Variants in PANX2 observed in about 807,000 individuals in gnomAD.
PANX2 encodes pannexin 2, also known as pannexin-2.
Under a neutral mutation model 38.7 loss-of-function variants are expected in PANX2, and 30 were observed. The ratio of observed to expected loss-of-function variants is 0.78; its 90% CI spans 0.58 to 1.05. The LOEUF (loss-of-function observed/expected upper bound fraction) is 1.05. PANX2 is among the 50% of genes least tolerant of loss of function. PANX2 has a pLI of 0.00. For missense variants in PANX2, 880 were observed against 979.3 expected, an observed-to-expected ratio of 0.90 and a Z score of 1.35; for synonymous variants, 539 against 472.1, an observed-to-expected ratio of 1.14 and a Z score of -1.84.
At chr22:50,176,829 G>A (rs1186430853) in intron 1 of PANX2, 110 bp from the exon 2 acceptor site, 3 of 1,190,032 alleles carry the variant, frequency 2.5e-6, no homozygotes, top group Non-Finnish European at 3.4e-6. Context: ...GAGGAGGCTG[G>A]AGAGGCTCCT....
At chr22:50,174,574 C>T (rs2063652288) in intron 1 of PANX2, among the ~76,000 whole-genome samples, 1 of 152,216 alleles carries the variant, frequency 6.6e-6, no homozygotes, top group Admixed American at 6.5e-5. Flanking sequence ...GCTGGCATGG[C>T]CAGGATCCAC....
At position 50,176,919 on chromosome 22, in the gene PANX2, T is replaced by C. The variant is rs755278990; in HGVS notation, c.227-20T>C. On this transcript the variant is annotated intron_variant, in intron 1 of 2. Coordinates refer to ENST00000395842, the MANE Select transcript of PANX2 (RefSeq NM_052839.4). ...CCGTGCGCCTCCCCGCCCCAGCCCG[T>C]GTCTCCTCTTTGCCCCCAGAGGAAC... 2.0e-6 allele frequency: 3 copies of C among 1,509,320 alleles called. No individual in the cohort carries two copies. Among genetic ancestry groups the C allele is most frequent in the South Asian group, 2.6e-5 (2 of 76,434 alleles). 93.5% of individuals were successfully genotyped at this position (1,509,320 alleles called of 1,614,324 possible).
intron 1 of PANX2, among the ~76,000 whole-genome samples, chr22:50,174,884 C>T (rs751515092): frequency 1.1e-4 from 16 of 152,208 alleles, no homozygotes; most frequent in Admixed American, 1.3e-4. Flanking sequence ...GGGAAAGGCC[C>T]GGCTGCCAGC....
chr22:50,174,914 G>C (rs2063653927), intron 1 of PANX2, among the ~76,000 whole-genome samples: 1 of 152,222 alleles, frequency 6.6e-6, no homozygotes, highest in Non-Finnish European at 1.5e-5. Context: ...AGTCCGTCAG[G>C]ACCTGCTGAG....
intron 1 of PANX2, among the ~76,000 whole-genome samples, chr22:50,172,625 A>G (rs139723619): frequency 0.012 from 1,836 of 152,148 alleles, 38 homozygotes; most frequent in African/African-American, 0.042. Flanking sequence ...GGCTGGTCTC[A>G]AACTCCTGGG....
rs2063679190 is a variant in PANX2 at position 50,178,539 on chromosome 22, G to A, written c.1690+137G>A. 2.0e-5 allele frequency: 12 copies of A among 586,192 alleles called. No homozygotes were observed. In the South Asian group the frequency reaches 3.2e-4, roughly 16 times the overall value. 36.3% of individuals were successfully genotyped at this position (586,192 alleles called of 1,614,324 possible). ...GCTTGAGGCCCCCTCAAAGGGGGAAGGGAGGAGGCCGAGGTTTGAACCGGC... is the reference window on the plus strand; with the variant it reads ...GCTTGAGGCCCCCTCAAAGGGGGAAAGGAGGAGGCCGAGGTTTGAACCGGC... On this transcript the variant is annotated intron_variant, in intron 2 of 2. Coordinates refer to ENST00000395842, the MANE Select transcript of PANX2 (RefSeq NM_052839.4).
chr22:50,178,536 G>T, intron 2 of PANX2, 134 bp downstream of exon 2: 1 of 590,662 alleles, frequency 1.7e-6, no homozygotes, highest in Admixed American at 3.8e-5. Flanking sequence ...CTCAAAGGGG[G>T]AAGGGAGGAG....
chr22:50,176,338 A>G (rs2063661071), intron 1 of PANX2, among the ~76,000 whole-genome samples: 1 of 152,180 alleles, frequency 6.6e-6, no homozygotes, highest in Non-Finnish European at 1.5e-5. Flanking sequence ...GACATCCCCA[A>G]CCAGCCCCAC....
At chr22:50,171,012 C>A in intron 1 of PANX2, 56 bp downstream of exon 1, 1 of 936,034 alleles carries the variant, frequency 1.1e-6, no homozygotes, top group South Asian at 2.1e-5. Context: ...CGCAGGTGTC[C>A]GGGAGCTGGC....
At chr22:50,175,595 G>A (rs974888455) in intron 1 of PANX2, 3 of 433,390 alleles carry the variant, frequency 6.9e-6, no homozygotes, top group East Asian at 1.0e-4. Flanking sequence ...CCGAGGACTC[G>A]GGCCTCAGGT....
In PANX2 at chr22:50,177,120, C is replaced by A. The variant is rs776678689; in HGVS notation, c.408C>A (p.Tyr136Ter). 6.2e-7 allele frequency: 1 copy of A among 1,609,050 alleles called. No homozygotes were observed. The highest frequency in any genetic ancestry group is 8.5e-7 in the Non-Finnish European group (1 of 1,178,130). ...YALLAFAAIM[Y>*]VPALGWEFLA... ...TGCTGGCCTTCGCCGCCATCATGTACGTGCCCGCGCTGGGCTGGGAGTTCC... is the reference window on the plus strand; with the variant it reads ...TGCTGGCCTTCGCCGCCATCATGTAAGTGCCCGCGCTGGGCTGGGAGTTCC... The change falls in exon 2 of 3, where the codon TAC (tyrosine) becomes TAA (stop). Residue 136 changes from tyrosine (Y) to a stop codon, truncating the protein, a stop_gained. Transcript: ENST00000395842. LOFTEE classifies it high-confidence loss of function.
intron 2 of PANX2, 38 bp downstream of exon 2, chr22:50,178,440 G>T: frequency 7.6e-7 from 1 of 1,309,280 alleles, no homozygotes. Context: ...GGGGGACTGG[G>T]GGTGGGAGAG....
In PANX2 at chr22:50,177,628, C is replaced by T. The variant is rs1210144958; in HGVS notation, c.916C>T (p.Leu306Phe). The T allele has an allele frequency of 2.5e-6, 4 of 1,612,940 alleles. No homozygotes were observed. Among genetic ancestry groups the T allele is most frequent in the Non-Finnish European group, 3.4e-6 (4 of 1,180,000 alleles). Reference protein sequence around the residue: ...VLLCVMNLIILVNLIHLFIFR... With the variant: ...VLLCVMNLIIFVNLIHLFIFR... ...GCTGTGCGTCATGAACCTCATCATC[C>T]TCGTCAACCTCATCCACCTCTTCAT... The change falls in exon 2 of 3, where the codon CTC becomes TTC. Residue 306 changes from leucine to phenylalanine, a missense_variant. Physicochemically the swap from Leu to Phe is conservative, Grantham distance 22. Transcript: ENST00000395842.
intron 1 of PANX2, among the ~76,000 whole-genome samples, chr22:50,173,967 C>T (rs1337484710): frequency 6.6e-6 from 1 of 152,172 alleles, no homozygotes; most frequent in Non-Finnish European, 1.5e-5. Flanking sequence ...CGTGACACCG[C>T]CACAGGCTCC....
Position 50,179,113 on chromosome 22 carries a change from C to A in PANX2, c.1870C>A (p.Pro624Thr), listed in dbSNP as rs2063682966. Residue 624 changes from proline (P) to threonine (T), a missense_variant, in exon 3 of 3, where the codon CCG becomes ACG. Pro to Thr is a conservative substitution (Grantham distance 38). This residue lies in a region of PANX2 where 445 missense variants were observed against 404.3 expected (regional missense o/e 1.10). Coordinates refer to ENST00000395842, the MANE Select transcript of PANX2 (RefSeq NM_052839.4). The stretch of plus-strand genomic sequence containing the variant: ...CATCCTGAGCCGAAACGCCACACAC[C>A]CGCTGCTGCACATCAACACGCTGTA... ...LTILSRNATH[P>T]LLHINTLYEA... 6.2e-7 allele frequency: 1 copy of A among 1,611,890 alleles called. No homozygotes were observed. Among genetic ancestry groups the A allele is most frequent in the South Asian group, 1.1e-5 (1 of 90,954 alleles).
In PANX2 at chr22:50,179,384, C is replaced by T. The variant is rs1199221278; in HGVS notation, c.*107C>T. 5 of 975,676 alleles carry T rather than the reference C, an allele frequency of 5.1e-6. No individual in the cohort carries two copies. The highest frequency in any genetic ancestry group is 7.7e-6 in the Non-Finnish European group (5 of 651,520). 60.4% of individuals were successfully genotyped at this position (975,676 alleles called of 1,614,324 possible). A position where few individuals can be genotyped will look rare whatever the true frequency, so the allele number is the denominator to read the frequency against. On this transcript the variant is annotated 3_prime_UTR_variant, in exon 3 of 3. Coordinates refer to ENST00000395842, the MANE Select transcript of PANX2 (RefSeq NM_052839.4). The stretch of plus-strand genomic sequence containing the variant: ...GCGTGGACGTGGCCTGTGCTTCGCC[C>T]GCACTGCGCGCATCCCCAACCTCTG...
intron 1 of PANX2, among the ~76,000 whole-genome samples, chr22:50,176,072 G>A (rs1198016721): frequency 6.6e-6 from 1 of 152,224 alleles, no homozygotes; most frequent in Non-Finnish European, 1.5e-5. Context: ...TCAGCCTGAA[G>A]AGACTGCACG....
chr22:50,178,106 G>C lies in PANX2; in HGVS notation c.1394G>C (p.Arg465Thr). The C allele has an allele frequency of 6.5e-7, 1 of 1,546,222 alleles. No homozygotes were observed. The highest frequency in any genetic ancestry group is 8.7e-7 in the Non-Finnish European group (1 of 1,155,046). ...GCGGAGAAGCCGAAGCCCGCGCGCA[G>C]GAAGACGGCCACGGACACGCTGATC... is the stretch of plus-strand genomic sequence containing the variant. The part of the protein sequence containing the change: ...SKAEKPKPAR[R>T]KTATDTLIAP... Residue 465 changes from arginine (R) to threonine (T), a missense_variant, in exon 2 of 3, where the codon AGG (arginine) becomes ACG (threonine). This residue lies in a region of PANX2 where 445 missense variants were observed against 404.3 expected (regional missense o/e 1.10). Coordinates refer to ENST00000395842, the MANE Select transcript of PANX2 (RefSeq NM_052839.4).
At position 50,177,956 on chromosome 22, in the gene PANX2, A is replaced by G; in HGVS notation, c.1244A>G (p.Asp415Gly). Residue 415 changes from aspartate to glycine, a missense_variant, in exon 2 of 3, where the codon GAC (aspartate) becomes GGC (glycine). Asp to Gly is a moderately conservative substitution (Grantham distance 94). Transcript: ENST00000395842. ...CCCAGCGCCAACCCCGCCGAGCCCG[A>G]CGGCGCCGCCGAGCCGCCCGTGGTC... ...VDPSANPAEP[D>G]GAAEPPVVKR... 6.5e-7 allele frequency: 1 copy of G among 1,533,206 alleles called. No homozygotes were observed. The highest frequency in any genetic ancestry group is 1.2e-5 in the South Asian group (1 of 83,824). 95.0% of individuals were successfully genotyped at this position (1,533,206 alleles called of 1,614,324 possible). A position where few individuals can be genotyped will look rare whatever the true frequency, so the allele number is the denominator to read the frequency against.
Sources: allele counts gnomAD v4.1 joint callset (sites outside exome capture counted in the v4.1 genomes callset), GRCh38; gene constraint gnomAD v4.1.1; regional missense constraint gnomAD v4.1.1; transcripts MANE v1.5; gene names NCBI Gene and HGNC (gene_info 2026-07-23, HGNC 2026-07-21).